GRM5: variants seen among roughly 807,000 people sequenced by gnomAD.
The protein encoded by GRM5 is glutamate metabotropic receptor 5, also known as metabotropic glutamate receptor 5.
Under a neutral mutation model 83.1 loss-of-function variants are expected in GRM5, and 19 were observed. The observed-to-expected ratio is 0.23, with a 90% confidence interval of 0.16 to 0.34. The LOEUF is 0.34. Among genes scored for constraint, GRM5 ranks in the 10% least tolerant of loss-of-function variants. The probability of loss-of-function intolerance (pLI) is 1.00; values close to 1 mark genes in which losing one functional copy is unlikely to be tolerated. For synonymous variants in GRM5, 675 were observed against 633.6 expected (o/e 1.07, Z -0.98); for missense variants, 1,160 against 1,588.3 (o/e 0.73, Z 4.58).
chr11:88,818,996 T>C (rs184828792), intron 3 of GRM5, among the ~76,000 whole-genome samples: 1 of 152,338 alleles, frequency 6.6e-6, no homozygotes, highest in Admixed American at 6.5e-5. Flanking sequence ...AAGGATTTTT[T>C]TCCTTCCAAT....
At chr11:88,875,329 ACT>A (rs1328582699) in intron 2 of GRM5, among the ~76,000 whole-genome samples, 5 of 151,980 alleles carry the variant, frequency 3.3e-5, no homozygotes, top group African/African-American at 1.2e-4. Flanking sequence ...CTTCTCATCC[ACT>A]CAAGTTTTAC....
intron 3 of GRM5, among the ~76,000 whole-genome samples, chr11:88,684,929 G>T (rs1049176082): frequency 2.6e-5 from 4 of 152,154 alleles, no homozygotes; most frequent in African/African-American, 4.8e-5. Flanking sequence ...CCAGTTTCGG[G>T]TATGTCTTTA....
intron 3 of GRM5, among the ~76,000 whole-genome samples, chr11:88,834,480 A>G (rs1359818681): frequency 2.0e-5 from 3 of 152,180 alleles, no homozygotes; most frequent in Non-Finnish European, 4.4e-5. Context: ...ATGATATCTA[A>G]TCAATATTCA....
rs540095895 is a variant in GRM5, at chr11:88,874,127, T to G, written c.662-23972A>C. Among the ~76,000 whole-genome samples, 18 of 151,218 alleles carry G rather than the reference T, an allele frequency of 1.2e-4. 1 individual carries two copies. In the Middle Eastern group the frequency reaches 0.01, roughly 86 times the overall value. The stretch of plus-strand genomic sequence containing the variant: ...ATATATTCACTGCCAAATAATTCTA[T>G]CAAGCTTTTAAAGAAAGAAATAATA... On this transcript the variant is annotated intron_variant, in intron 2 of 9. Transcript: ENST00000305447.
intron 4 of GRM5, among the ~76,000 whole-genome samples, chr11:88,613,154 G>T (rs527517910): frequency 1.6e-4 from 25 of 152,232 alleles, no homozygotes; most frequent in African/African-American, 5.8e-4. Flanking sequence ...ATGTGCAGAC[G>T]AGAAGAATGT....
At chr11:88,830,573 T>C (rs548017762) in intron 3 of GRM5, among the ~76,000 whole-genome samples, 2 of 152,294 alleles carry the variant, frequency 1.3e-5, no homozygotes, top group African/African-American at 2.4e-5. Context: ...GACTTCCCAA[T>C]GTGGGGAAAG....
intron 8 of GRM5, among the ~76,000 whole-genome samples, chr11:88,553,480 A>G (rs1202154339): frequency 2.0e-5 from 3 of 152,104 alleles, no homozygotes; most frequent in African/African-American, 7.2e-5. Context: ...TCAGAGCACA[A>G]TGTCTGGTGT....
At chr11:88,986,109 G>T (rs556923694) in intron 2 of GRM5, among the ~76,000 whole-genome samples, 1 of 152,058 alleles carries the variant, frequency 6.6e-6, no homozygotes, top group Non-Finnish European at 1.5e-5. Flanking sequence ...ATCCTTAAAT[G>T]GATGAACGTT....
intron 3 of GRM5, among the ~76,000 whole-genome samples, chr11:88,797,855 T>G (rs1943311380): frequency 1.3e-5 from 2 of 151,652 alleles, no homozygotes; most frequent in Non-Finnish European, 2.9e-5. Flanking sequence ...TGGATCTTGA[T>G]CTCTTCCTCT....
chr11:88,775,945 G>T lies in GRM5; in HGVS notation c.911+73961C>A, dbSNP rs546826795. On this transcript the variant is annotated intron_variant, in intron 3 of 9. Transcript: ENST00000305447. ...ATTTCGGGTAGAGAGTTCTGTAGAT[G>T]TCTATTAGGTCTGCTTGTTTCAGAG... is the stretch of plus-strand genomic sequence containing the variant. Among the ~76,000 whole-genome samples, 11 of 152,292 alleles carry T rather than the reference G, an allele frequency of 7.2e-5. No individual in the cohort carries two copies. The South Asian group carries it at 1.2e-3, about 17-fold the overall frequency.
At chr11:88,519,068 T>A (rs1941605307) in intron 9 of GRM5, among the ~76,000 whole-genome samples, 1 of 150,140 alleles carries the variant, frequency 6.7e-6, no homozygotes, top group Non-Finnish European at 1.5e-5. Flanking sequence ...ATTAGAATTA[T>A]GAAGTTGGGC....
chr11:88,863,146 C>G (rs533261113), intron 2 of GRM5, among the ~76,000 whole-genome samples: 1 of 151,878 alleles, frequency 6.6e-6, no homozygotes, highest in Non-Finnish European at 1.5e-5. Context: ...AATGGGAACA[C>G]GTTTACACTC....
At chr11:88,585,579 A>G (rs1201446440) in intron 7 of GRM5, among the ~76,000 whole-genome samples, 1 of 152,152 alleles carries the variant, frequency 6.6e-6, no homozygotes, top group East Asian at 1.9e-4. Flanking sequence ...TGTGTCCACA[A>G]CACTCTTCTC....
At chr11:88,863,571 T>G (rs1468215210) in intron 2 of GRM5, among the ~76,000 whole-genome samples, 3 of 151,888 alleles carry the variant, frequency 2.0e-5, no homozygotes, top group Non-Finnish European at 4.4e-5. Context: ...TGAGAACACA[T>G]GAACACAGGG....
chr11:89,048,693 AG>A (rs1565351696), intron 1 of GRM5, among the ~76,000 whole-genome samples: 1 of 152,228 alleles, frequency 6.6e-6, no homozygotes, highest in Non-Finnish European at 1.5e-5. Context: ...AAATGAAGAA[AG>A]GTGGGTGTTT....
chr11:88,558,248 C>A (rs1472771695), intron 8 of GRM5, among the ~76,000 whole-genome samples: 1 of 152,138 alleles, frequency 6.6e-6, no homozygotes, highest in Non-Finnish European at 1.5e-5. Context: ...AGAAAAGTAA[C>A]TATATCAGGG....
At chr11:88,687,252 A>C (rs1398620651) in intron 3 of GRM5, among the ~76,000 whole-genome samples, 1 of 151,446 alleles carries the variant, frequency 6.6e-6, no homozygotes, top group African/African-American at 2.4e-5. Context: ...AGGCAGGAGG[A>C]TCATGAAGTC....
chr11:89,035,604 A>G (rs1193222748), intron 2 of GRM5, among the ~76,000 whole-genome samples: 1 of 151,956 alleles, frequency 6.6e-6, no homozygotes, highest in Admixed American at 6.6e-5. Context: ...TATTCTATCT[A>G]CTTTTCATTG....
intron 8 of GRM5, among the ~76,000 whole-genome samples, chr11:88,563,339 A>T (rs1043332258): frequency 6.6e-6 from 1 of 152,186 alleles, no homozygotes; most frequent in Non-Finnish European, 1.5e-5. Flanking sequence ...ATCTGTGTAC[A>T]TACACCTTTC....
Sources: allele counts gnomAD v4.1 joint callset (sites outside exome capture counted in the v4.1 genomes callset), GRCh38; gene constraint gnomAD v4.1.1; transcripts MANE v1.5; gene names NCBI Gene and HGNC (gene_info 2026-07-23, HGNC 2026-07-21).